RNF13: variants seen among roughly 807,000 people sequenced by gnomAD.
The protein encoded by RNF13 is E3 ubiquitin-protein ligase RNF13.
A neutral mutation model predicts 37.7 loss-of-function variants in RNF13; 19 were observed. The observed-to-expected ratio is 0.50, with a 90% CI of 0.35 to 0.74. The LOEUF is 0.74. Ranked by LOEUF, RNF13 falls within the 30% of genes least tolerant of loss-of-function variation. RNF13 has a pLI of 0.01. For synonymous variants in RNF13, 144 were observed against 157.8 expected, an observed-to-expected ratio of 0.91 and a Z score of 0.65; for missense variants, 375 against 453.0, an observed-to-expected ratio of 0.83 and a Z score of 1.56.
intron 5 of RNF13, among the ~76,000 whole-genome samples, chr3:149,898,881 A>C (rs1388070953): frequency 6.6e-6 from 1 of 152,212 alleles, no homozygotes; most frequent in Non-Finnish European, 1.5e-5. Context: ...TGGTCAGAGA[A>C]AGCTTCTGTG....
intron 2 of RNF13, among the ~76,000 whole-genome samples, chr3:149,848,074 A>G (rs1239450456): frequency 1.3e-5 from 2 of 152,204 alleles, no homozygotes; most frequent in African/African-American, 2.4e-5. Flanking sequence ...TTAGAATAGT[A>G]TCTGACACAT....
chr3:149,897,546 G>A (rs1715394716), intron 5 of RNF13, among the ~76,000 whole-genome samples: 1 of 152,146 alleles, frequency 6.6e-6, no homozygotes, highest in Non-Finnish European at 1.5e-5. Flanking sequence ...CCATGGAAAT[G>A]TTTCAACTGA....
intron 3 of RNF13, among the ~76,000 whole-genome samples, chr3:149,865,762 C>T (rs1289569491): frequency 6.6e-6 from 1 of 152,006 alleles, no homozygotes; most frequent in Non-Finnish European, 1.5e-5. Context: ...CCTTGAGGTT[C>T]ATTGTTAGGT....
At chr3:149,841,229 A>G (rs1017722601) in intron 1 of RNF13, among the ~76,000 whole-genome samples, 1 of 152,218 alleles carries the variant, frequency 6.6e-6, no homozygotes, top group Non-Finnish European at 1.5e-5. Flanking sequence ...AGAAGATGAT[A>G]TCAGAGAATT....
At chr3:149,859,094 T>G (rs73870460) in intron 3 of RNF13, among the ~76,000 whole-genome samples, 1 of 152,222 alleles carries the variant, frequency 6.6e-6, no homozygotes, top group Non-Finnish European at 1.5e-5. Context: ...AGTTTTGTGA[T>G]GTGAAGAAAG....
intron 1 of RNF13, among the ~76,000 whole-genome samples, chr3:149,832,312 G>A (rs766541935): frequency 7.9e-5 from 12 of 152,124 alleles, no homozygotes; most frequent in African/African-American, 2.7e-4. Flanking sequence ...GTGTTATTTG[G>A]CAGTGAAGCA....
chr3:149,876,106 T>C (rs1712659704), intron 4 of RNF13, among the ~76,000 whole-genome samples: 2 of 152,228 alleles, frequency 1.3e-5, no homozygotes, highest in Admixed American at 1.3e-4. Context: ...AATCTGTCCA[T>C]TGTCATTTCA....
intron 8 of RNF13, among the ~76,000 whole-genome samples, chr3:149,951,806 T>C (rs763907135): frequency 6.6e-6 from 1 of 152,326 alleles, no homozygotes; most frequent in Non-Finnish European, 1.5e-5. Context: ...GGAAAAACTG[T>C]CATGTCTACT....
At chr3:149,865,032 G>T (rs1019217628) in intron 3 of RNF13, among the ~76,000 whole-genome samples, 1 of 151,814 alleles carries the variant, frequency 6.6e-6, no homozygotes, top group South Asian at 2.1e-4. Context: ...TTGCAATCAG[G>T]TTATTCTGAT....
At chr3:149,846,365 C>T (rs540891246) in intron 2 of RNF13, among the ~76,000 whole-genome samples, 3 of 152,032 alleles carry the variant, frequency 2.0e-5, no homozygotes, top group Admixed American at 2.0e-4. Context: ...TACATTGTTG[C>T]GGTCCTGGCT....
intron 5 of RNF13, 98 bp downstream of exon 5, chr3:149,895,658 C>A: frequency 1.4e-6 from 1 of 721,574 alleles, no homozygotes; most frequent in Non-Finnish European, 2.3e-6. Flanking sequence ...TTTTAAAAAG[C>A]AAAATTTCTT....
Position 149,906,752 on chromosome 3 carries a change from G to A in RNF13, c.500+4590G>A, listed in dbSNP as rs1289904432. Among the ~76,000 whole-genome samples the A allele has an allele frequency of 4.7e-5, 7 of 148,974 alleles. 1 individual carries two copies. On this transcript the variant is annotated intron_variant, in intron 6 of 9. Transcript: ENST00000392894. ...CTGCAGCCTTGATCTCCGAGGCTCA[G>A]GTGATCCTCCCACTGCAGCCTCCTG...
In RNF13 at chr3:149,914,662, C is replaced by T. The variant is rs59998777; in HGVS notation, c.606+2579C>T. Reference sequence around the variant, plus strand: ...AACTCAAGAACAGCGGGGCCGGGTGCGGTGGCTCACACCTGTAATCCCAGC... The same window carrying T: ...AACTCAAGAACAGCGGGGCCGGGTGTGGTGGCTCACACCTGTAATCCCAGC... On this transcript the variant is annotated intron_variant, in intron 7 of 9. Coordinates refer to ENST00000392894, the MANE Select transcript of RNF13 (RefSeq NM_183381.3). Among the ~76,000 whole-genome samples, 587 of 152,122 alleles carry T rather than the reference C, an allele frequency of 3.9e-3. 3 individuals are homozygous for T. Among genetic ancestry groups the T allele is most frequent in the African/African-American group, 0.014 (573 of 41,498 alleles).
intron 1 of RNF13, among the ~76,000 whole-genome samples, chr3:149,834,225 G>A (rs536315452): frequency 4.6e-5 from 7 of 152,198 alleles, no homozygotes; most frequent in South Asian, 4.1e-4. Flanking sequence ...TATCAAAATC[G>A]CAATAACCTT....
intron 8 of RNF13, among the ~76,000 whole-genome samples, chr3:149,935,900 T>G (rs530205474): frequency 9.2e-5 from 14 of 152,344 alleles, no homozygotes; most frequent in African/African-American, 2.9e-4. Context: ...TGTTCCAGAT[T>G]GAAGAACTAC....
chr3:149,863,529 A>G (rs2108421219), intron 3 of RNF13, among the ~76,000 whole-genome samples: 1 of 152,108 alleles, frequency 6.6e-6, no homozygotes, highest in South Asian at 2.1e-4. Context: ...ACAGGCGTGT[A>G]CCACCACGCC....
At chr3:149,903,937 ATCTGTCTG>A (rs34025145) in intron 6 of RNF13, among the ~76,000 whole-genome samples, 94 of 148,490 alleles carry the variant, frequency 6.3e-4, no homozygotes, top group African/African-American at 7.9e-4. Flanking sequence ...ATATCTGTCT[ATCTGTCTG>A]TCTGTCTGTC....
intron 2 of RNF13, among the ~76,000 whole-genome samples, chr3:149,846,795 A>T (rs963612079): frequency 6.6e-6 from 1 of 152,180 alleles, no homozygotes; most frequent in Non-Finnish European, 1.5e-5. Context: ...TGACTGTAAG[A>T]TCTCAGTAGT....
At chr3:149,940,000 A>G (rs1720095741) in intron 8 of RNF13, among the ~76,000 whole-genome samples, 1 of 152,160 alleles carries the variant, frequency 6.6e-6, no homozygotes, top group Non-Finnish European at 1.5e-5. Context: ...TATTTAGGAC[A>G]TAGATATTTA....
Sources: gnomAD v4.1 joint callset for allele counts (sites outside exome capture counted in the v4.1 genomes callset) on GRCh38, gnomAD v4.1.1 for gene constraint, MANE v1.5 for transcripts, NCBI Gene and HGNC (gene_info 2026-07-23, HGNC 2026-07-21) for gene names.